VPS13A: variants seen among roughly 807,000 people sequenced by gnomAD.
VPS13A encodes vacuolar protein sorting 13 homolog A.
A neutral mutation model predicts 390.9 loss-of-function variants in VPS13A; 264 were observed. That is an observed-to-expected ratio of 0.68 (90% confidence interval 0.61 to 0.75). The LOEUF (loss-of-function observed/expected upper bound fraction) is 0.75. Among genes scored for constraint, VPS13A ranks in the 30% least tolerant of loss-of-function variants. The probability of loss-of-function intolerance (pLI) is 0.00; values close to 1 mark genes in which losing one functional copy is unlikely to be tolerated. For missense variants in VPS13A, 3,409 were observed against 3,733.9 expected (o/e 0.91, Z 2.27); for synonymous variants, 1,231 against 1,227.1 (o/e 1.00, Z -0.07).
chr9:77,283,016 G>A (rs62573221), intron 29 of VPS13A, among the ~76,000 whole-genome samples: 3 of 151,602 alleles, frequency 2.0e-5, no homozygotes, highest in Non-Finnish European at 2.9e-5. Flanking sequence ...TAGTACTTTC[G>A]AAGCAGTGAA....
In VPS13A at chr9:77,206,048, A is replaced by G. The variant is rs1825621151; in HGVS notation, c.354A>G (p.Ile118Met). The G allele has an allele frequency of 1.3e-6, 2 of 1,582,230 alleles. No homozygotes were observed. The highest frequency in any genetic ancestry group is 1.3e-5 in the African/African-American group (1 of 74,554). The change falls in exon 5 of 72, where the codon ATA (isoleucine) becomes ATG (methionine). Residue 118 changes from isoleucine (I) to methionine (M), a missense_variant. Ile to Met is a conservative substitution (Grantham distance 10). Transcript: ENST00000360280. The stretch of plus-strand genomic sequence containing the variant: ...CAAAGCAACAGGAACTGAAAAGAAT[A>G]GAAGAAGCAAAACAAAAAGTAGTTG... ...MEAKQQELKR[I>M]EEAKQKVVDQ... is the part of the protein sequence containing the mutation.
chr9:77,299,819 C>T (rs918669184), intron 33 of VPS13A, among the ~76,000 whole-genome samples: 5 of 151,984 alleles, frequency 3.3e-5, no homozygotes, highest in African/African-American at 7.3e-5. Context: ...CAAACTAACA[C>T]GGGAACAGAA....
intron 23 of VPS13A, among the ~76,000 whole-genome samples, chr9:77,269,126 T>A (rs1479410764): frequency 3.3e-5 from 5 of 152,174 alleles, no homozygotes; most frequent in African/African-American, 1.2e-4. Context: ...GCTTTTTGTA[T>A]CACATCTCTG....
rs528510267 is a variant in VPS13A at position 77,323,994 on chromosome 9, AT to A, written c.5991+775del. Among the ~76,000 whole-genome samples, 10 of 151,484 alleles carry A rather than the reference AT, an allele frequency of 6.6e-5. No individual in the cohort carries two copies. The South Asian group carries it at 1.5e-3, about 22-fold the overall frequency. On this transcript the variant is annotated intron_variant, in intron 45 of 71. Coordinates refer to ENST00000360280, the MANE Select transcript of VPS13A (RefSeq NM_033305.3). ...TTTTGCTTTTTTTTTCACCATATGGATTTTTTTTCCAGAGGATTTTAGGTCC... is the reference window on the plus strand; with the variant it reads ...TTTTGCTTTTTTTTTCACCATATGGATTTTTTTCCAGAGGATTTTAGGTCC...
In VPS13A at chr9:77,209,424, A is replaced by C; in HGVS notation, c.387A>C (p.Glu129Asp). ...EEAKQKVVDQ[E>D]QHLPEKQDTF... ...AAAAAGGAATATTTGCAATTGTAGA[A>C]CAACATCTGCCGGAAAAACAGGACA... The change falls in exon 6 of 72, where the codon GAA becomes GAC. Residue 129 changes from glutamate (E) to aspartate (D), a missense_variant and splice_region_variant. Physicochemically the swap from Glu to Asp is conservative, Grantham distance 45. Transcript: ENST00000360280. The C allele has an allele frequency of 6.2e-7, 1 of 1,606,752 alleles. No homozygotes were observed. Among genetic ancestry groups the C allele is most frequent in the Admixed American group, 1.7e-5 (1 of 59,948 alleles).
At chr9:77,282,603 A>G (rs1827105434) in intron 29 of VPS13A, among the ~76,000 whole-genome samples, 1 of 152,146 alleles carries the variant, frequency 6.6e-6, no homozygotes, top group Non-Finnish European at 1.5e-5. Flanking sequence ...ATTTCATGAC[A>G]TTATTTTAGA....
At chr9:77,297,310 C>T (rs1245825036) in intron 33 of VPS13A, among the ~76,000 whole-genome samples, 1 of 151,730 alleles carries the variant, frequency 6.6e-6, no homozygotes, top group Admixed American at 6.6e-5. Flanking sequence ...GTGTAGCTCT[C>T]TTCTCTCTGG....
chr9:77,256,477 G>A (rs2131283708), intron 22 of VPS13A, among the ~76,000 whole-genome samples: 1 of 152,186 alleles, frequency 6.6e-6, no homozygotes, highest in South Asian at 2.1e-4. Flanking sequence ...TGGATGGAGT[G>A]TTCTATATAT....
intron 45 of VPS13A, among the ~76,000 whole-genome samples, chr9:77,324,912 C>G (rs1280585233): frequency 6.6e-6 from 1 of 152,030 alleles, no homozygotes; most frequent in Non-Finnish European, 1.5e-5. Flanking sequence ...ACCTTTTTGA[C>G]ACCAGGGACC....
At chr9:77,372,965 A>T (rs1269262764) in intron 67 of VPS13A, among the ~76,000 whole-genome samples, 1 of 152,054 alleles carries the variant, frequency 6.6e-6, no homozygotes. Context: ...ACTACAAACC[A>T]CTGCTCAAGG....
intron 37 of VPS13A, among the ~76,000 whole-genome samples, 174 bp from the exon 38 acceptor site, chr9:77,315,079 C>G (rs1226294217): frequency 6.6e-6 from 1 of 152,088 alleles, no homozygotes; most frequent in Non-Finnish European, 1.5e-5. Context: ...CATTTGTGTT[C>G]CAGAAGTTTG....
chr9:77,292,892 T>C (rs980950325), intron 31 of VPS13A, among the ~76,000 whole-genome samples: 2 of 152,138 alleles, frequency 1.3e-5, no homozygotes, highest in African/African-American at 4.8e-5. Flanking sequence ...AGGAGGAGAC[T>C]CCTTTGAAGA....
In VPS13A at chr9:77,277,433, G is replaced by A. The variant is rs552130566; in HGVS notation, c.2824+1212G>A. ...ACTGATGAACCTACACTGACACATC[G>A]TAATTACCAAGAGTCCACAATTTAC... On this transcript the variant is annotated intron_variant, in intron 26 of 71. Coordinates refer to ENST00000360280, the MANE Select transcript of VPS13A (RefSeq NM_033305.3). Among the ~76,000 whole-genome samples the A allele has an allele frequency of 7.9e-5, 12 of 152,202 alleles. No individual in the cohort carries two copies. In the South Asian group the frequency reaches 1.9e-3, roughly 24 times the overall value.
At chr9:77,339,367 G>A in intron 47 of VPS13A, 149 bp from the exon 48 acceptor site, 2 of 736,070 alleles carry the variant, frequency 2.7e-6, no homozygotes, top group Non-Finnish European at 4.4e-6. Flanking sequence ...AGTTGACAAA[G>A]TTAGAACTTG....
intron 17 of VPS13A, among the ~76,000 whole-genome samples, chr9:77,228,814 G>A (rs930692324): frequency 2.0e-5 from 3 of 152,074 alleles, no homozygotes; most frequent in African/African-American, 4.8e-5. Context: ...CAGGGGAGGC[G>A]AAAGGCACCT....
rs1159441741 is a variant in VPS13A, at chr9:77,247,374, T to C, written c.2016T>C (p.Leu672=). Residue 672 remains leucine (L), a synonymous_variant, in exon 20 of 72, where the codon CTT becomes CTC. Coordinates refer to ENST00000360280, the MANE Select transcript of VPS13A (RefSeq NM_033305.3). ...GIFSPTSNLL[L]LDLGHLKVTS... ...TTAGTCCTACATCAAATCTGCTTCT[T>C]TTGGACCTTGGTCATCTAAAGGTAT... 6 of 1,612,534 alleles carry C rather than the reference T, an allele frequency of 3.7e-6. No homozygotes were observed. Among genetic ancestry groups the C allele is most frequent in the Non-Finnish European group, 5.1e-6 (6 of 1,179,280 alleles).
Position 77,370,478 on chromosome 9 carries a change from C to A in VPS13A, c.8807C>A (p.Thr2936Asn). 15 of 1,614,094 alleles carry A rather than the reference C, an allele frequency of 9.3e-6. No homozygotes were observed. Among genetic ancestry groups the A allele is most frequent in the Non-Finnish European group, 1.3e-5 (15 of 1,180,024 alleles). ...GAMAKGVAAM[T>N]MDEDYQQKRR... ...ATGGCTAAGGGGGTAGCAGCTATGA[C>A]CATGGATGAAGACTACCAACAGAAG... is the stretch of plus-strand genomic sequence containing the variant. The change falls in exon 65 of 72, where the codon ACC becomes AAC. Residue 2936 changes from threonine to asparagine, a missense_variant. Coordinates refer to ENST00000360280, the MANE Select transcript of VPS13A (RefSeq NM_033305.3).
chr9:77,353,781 A>T (rs1024413565), intron 54 of VPS13A, 140 bp downstream of exon 54: 1 of 865,040 alleles, frequency 1.2e-6, no homozygotes, highest in Non-Finnish European at 1.8e-6. Flanking sequence ...CTAGTTTTAA[A>T]TGTGCTTGAG....
chr9:77,182,043 A>G (rs1270357744), intron 1 of VPS13A, among the ~76,000 whole-genome samples: 1 of 152,134 alleles, frequency 6.6e-6, no homozygotes, highest in Non-Finnish European at 1.5e-5. Context: ...GTAATATTTC[A>G]TAGACTCATC....
Sources: allele counts gnomAD v4.1 joint callset (sites outside exome capture counted in the v4.1 genomes callset), GRCh38; gene constraint gnomAD v4.1.1; transcripts MANE v1.5; gene names NCBI Gene and HGNC (gene_info 2026-07-23, HGNC 2026-07-21).